The following WDR70 variants were observed in gnomAD, a reference collection of about 807,000 sequenced individuals.
WDR70 encodes the protein WD repeat-containing protein 70.
In WDR70, 53 loss-of-function variants were observed where a neutral mutation model predicts 88.6. That is an observed-to-expected ratio of 0.60 (90% CI 0.48 to 0.75). The LOEUF is 0.75. Among genes scored for constraint, WDR70 ranks in the 30% least tolerant of loss-of-function variants. The pLI is 0.00. For missense variants in WDR70, 610 were observed against 823.2 expected, an observed-to-expected ratio of 0.74 and a Z score of 3.17; for synonymous variants, 280 against 270.0, an observed-to-expected ratio of 1.04 and a Z score of -0.36.
intron 3 of WDR70, among the ~76,000 whole-genome samples, chr5:37,389,024 A>AC (rs1227223855): frequency 6.7e-6 from 1 of 149,788 alleles, no homozygotes; most frequent in Admixed American, 6.8e-5. Flanking sequence ...TGCTGCTGCC[A>AC]CCCCCCGAGG....
chr5:37,570,627 C>T (rs375603009), intron 9 of WDR70, among the ~76,000 whole-genome samples: 4 of 152,066 alleles, frequency 2.6e-5, no homozygotes, highest in African/African-American at 9.7e-5. Flanking sequence ...AGGAGGAAAA[C>T]TGAGAGTACT....
chr5:37,497,165 C>T (rs976262348), intron 8 of WDR70, among the ~76,000 whole-genome samples: 2 of 149,676 alleles, frequency 1.3e-5, no homozygotes, highest in African/African-American at 2.5e-5. Flanking sequence ...TTCACTCCCT[C>T]CCTCCTTCCC....
At chr5:37,444,985 C>T (rs1379343730) in intron 7 of WDR70, among the ~76,000 whole-genome samples, 1 of 152,124 alleles carries the variant, frequency 6.6e-6, no homozygotes, top group Non-Finnish European at 1.5e-5. Context: ...GTAACGCTTG[C>T]TCACCCTCCC....
chr5:37,400,003 G>A (rs1056506060), intron 5 of WDR70, among the ~76,000 whole-genome samples: 7 of 152,128 alleles, frequency 4.6e-5, no homozygotes, highest in South Asian at 2.1e-4. Context: ...CATGATCTCA[G>A]CTCACTGCAA....
intron 9 of WDR70, among the ~76,000 whole-genome samples, chr5:37,574,552 G>A (rs1171956788): frequency 1.3e-5 from 2 of 152,038 alleles, no homozygotes; most frequent in Non-Finnish European, 2.9e-5. Context: ...TTCTTCCTAA[G>A]TCCTGTGGTT....
intron 7 of WDR70, among the ~76,000 whole-genome samples, chr5:37,461,105 C>CAAAA (rs10547667): frequency 1.6e-5 from 1 of 62,238 alleles, no homozygotes; most frequent in African/African-American, 5.2e-5. Flanking sequence ...TTTCTAACCT[C>CAAAA]AAAAAAAAAA....
chr5:37,749,613 T>A (rs532365865), intron 17 of WDR70, among the ~76,000 whole-genome samples: 108 of 152,256 alleles, frequency 7.1e-4, no homozygotes, highest in African/African-American at 2.4e-3. Flanking sequence ...CTGGCAACAT[T>A]ATGATTAGTT....
intron 3 of WDR70, among the ~76,000 whole-genome samples, chr5:37,382,789 A>C (rs374668304): frequency 6.6e-6 from 1 of 152,050 alleles, no homozygotes; most frequent in Admixed American, 6.6e-5. Context: ...GAGGCAGGTG[A>C]ATCACGTAAG....
At chr5:37,702,485 A>G (rs1747193151) in intron 12 of WDR70, among the ~76,000 whole-genome samples, 1 of 152,224 alleles carries the variant, frequency 6.6e-6, no homozygotes, top group Non-Finnish European at 1.5e-5. Flanking sequence ...AACTCAAATT[A>G]TTTGGGGGTG....
chr5:37,566,427 T>C (rs79502129), intron 9 of WDR70, among the ~76,000 whole-genome samples: 1 of 150,850 alleles, frequency 6.6e-6, no homozygotes, highest in Non-Finnish European at 1.5e-5. Flanking sequence ...TTTGAGATAA[T>C]TTTTTTTTCT....
chr5:37,512,583 A>AT (rs34462724), intron 8 of WDR70, among the ~76,000 whole-genome samples: 36,938 of 141,814 alleles, frequency 0.26, 5,291 homozygotes, highest in East Asian at 0.47. Context: ...TGCATCTAGA[A>AT]TTTTTTTTTT....
chr5:37,534,605 A>C (rs1392566211), intron 9 of WDR70, among the ~76,000 whole-genome samples: 3 of 149,528 alleles, frequency 2.0e-5, no homozygotes, highest in African/African-American at 7.4e-5. Context: ...TCAAGCGATT[A>C]TCCTGCCTCA....
intron 9 of WDR70, among the ~76,000 whole-genome samples, chr5:37,572,558 C>T (rs999468744): frequency 6.6e-5 from 10 of 152,060 alleles, no homozygotes; most frequent in East Asian, 1.9e-4. Flanking sequence ...ATACATTGTA[C>T]CCACCAAGCA....
At chr5:37,539,568 C>G (rs1359196881) in intron 9 of WDR70, among the ~76,000 whole-genome samples, 1 of 152,164 alleles carries the variant, frequency 6.6e-6, no homozygotes, top group African/African-American at 2.4e-5. Context: ...TTTAAGCTAC[C>G]CAGTCTGTGG....
chr5:37,613,330 A>G (rs1744238417), intron 10 of WDR70, among the ~76,000 whole-genome samples: 1 of 152,218 alleles, frequency 6.6e-6, no homozygotes, highest in Non-Finnish European at 1.5e-5. Context: ...TAAAGCATAA[A>G]CCCAAATGGA....
intron 10 of WDR70, among the ~76,000 whole-genome samples, chr5:37,610,129 G>A (rs1358791583): frequency 1.3e-5 from 2 of 152,080 alleles, no homozygotes; most frequent in Non-Finnish European, 2.9e-5. Flanking sequence ...AGCTGGGCGT[G>A]GTGGCAGGCA....
intron 9 of WDR70, among the ~76,000 whole-genome samples, chr5:37,520,721 A>G (rs1349995378): frequency 1.3e-5 from 2 of 152,202 alleles, no homozygotes; most frequent in Non-Finnish European, 2.9e-5. Context: ...ATTTGATAGA[A>G]TTTAGTCTTT....
At chr5:37,403,365 G>A (rs1749259820) in intron 5 of WDR70, among the ~76,000 whole-genome samples, 1 of 152,162 alleles carries the variant, frequency 6.6e-6, no homozygotes, top group Non-Finnish European at 1.5e-5. Flanking sequence ...AACTTTTGCT[G>A]TAGCCACTTA....
At chr5:37,516,827 T>G (rs1740904558) in intron 9 of WDR70, among the ~76,000 whole-genome samples, 2 of 151,450 alleles carry the variant, frequency 1.3e-5, no homozygotes, top group Admixed American at 6.6e-5. Flanking sequence ...GTTCAAGTGA[T>G]TCTCCTGCCT....
Sources: gnomAD v4.1 joint callset for allele counts (sites outside exome capture counted in the v4.1 genomes callset) on GRCh38, gnomAD v4.1.1 for gene constraint, MANE v1.5 for transcripts, NCBI Gene and HGNC (gene_info 2026-07-23, HGNC 2026-07-21) for gene names.